BIRC6: variants seen among roughly 807,000 people sequenced by gnomAD.
BIRC6 encodes the protein dual E2 ubiquitin-conjugating enzyme/E3 ubiquitin-protein ligase BIRC6.
Under a neutral mutation model 503.3 loss-of-function variants are expected in BIRC6, and 98 were observed. The ratio of observed to expected loss-of-function variants is 0.19; its 90% CI spans 0.17 to 0.23. The LOEUF (loss-of-function observed/expected upper bound fraction) is 0.23. Ranked by LOEUF, BIRC6 falls within the 10% of genes least tolerant of loss-of-function variation. The probability of loss-of-function intolerance (pLI) is 1.00; values close to 1 mark genes in which losing one functional copy is unlikely to be tolerated. For synonymous variants in BIRC6, 2,240 were observed against 2,078.7 expected, an observed-to-expected ratio of 1.08 and a Z score of -2.11; for missense variants, 5,360 against 5,806.0, an observed-to-expected ratio of 0.92 and a Z score of 2.50.
At chr2:32,405,771 T>C (rs1179957589) in intron 8 of BIRC6, among the ~76,000 whole-genome samples, 1 of 152,212 alleles carries the variant, frequency 6.6e-6, no homozygotes, top group Non-Finnish European at 1.5e-5. Flanking sequence ...ACTATTATGT[T>C]TGGTTTTAGG....
At chr2:32,495,790 GTT>G (rs11464835) in intron 45 of BIRC6, among the ~76,000 whole-genome samples, 2,419 of 84,742 alleles carry the variant, frequency 0.029, 29 homozygotes, top group African/African-American at 0.083. Context: ...TCAGGATGAA[GTT>G]TTTTTTTTTT....
intron 35 of BIRC6, 111 bp from the exon 36 acceptor site, chr2:32,478,524 A>C (rs960819885): frequency 1.3e-5 from 11 of 877,736 alleles, no homozygotes; most frequent in Middle Eastern, 2.3e-4. Context: ...AGACTCATAC[A>C]TCATTGTTGA....
At chr2:32,472,945 CTT>C (rs2049271760) in intron 32 of BIRC6, 165 bp from the exon 33 acceptor site, 1 of 572,146 alleles carries the variant, frequency 1.7e-6, no homozygotes, top group Non-Finnish European at 3.0e-6. Context: ...GTTATCCAGT[CTT>C]TATAGAATCA....
rs552822215 is a variant in BIRC6 at position 32,521,594 on chromosome 2, G to T, written c.11623+2648G>T. ...AGCAATTCTCCTGCCTCAGTCTGCAGAGTAGCTGGGATTATAGGCACGCGC... is the reference window on the plus strand; with the variant it reads ...AGCAATTCTCCTGCCTCAGTCTGCATAGTAGCTGGGATTATAGGCACGCGC... On this transcript the variant is annotated intron_variant, in intron 57 of 73. Coordinates refer to ENST00000421745, the MANE Select transcript of BIRC6 (RefSeq NM_016252.4). Among the ~76,000 whole-genome samples the T allele has an allele frequency of 4.4e-4, 67 of 151,450 alleles. 2 individuals carry two copies. In the South Asian group the frequency reaches 0.013, roughly 30 times the overall value.
At chr2:32,477,896 A>G (rs1302503018) in intron 35 of BIRC6, among the ~76,000 whole-genome samples, 3 of 152,136 alleles carry the variant, frequency 2.0e-5, no homozygotes, top group African/African-American at 4.8e-5. Flanking sequence ...ATTCTTTTCA[A>G]ATTTTTCCTT....
intron 10 of BIRC6, among the ~76,000 whole-genome samples, chr2:32,419,041 A>T (rs1271979274): frequency 6.6e-6 from 1 of 152,240 alleles, no homozygotes; most frequent in African/African-American, 2.4e-5. Context: ...ATCTCATGTG[A>T]TAGGGAATTT....
At chr2:32,439,128 A>G (rs1161441482) in intron 15 of BIRC6, among the ~76,000 whole-genome samples, 1 of 152,080 alleles carries the variant, frequency 6.6e-6, no homozygotes, top group Non-Finnish European at 1.5e-5. Context: ...AGAAGACTGG[A>G]TGGATATACG....
Position 32,499,586 on chromosome 2 carries a change from A to C in BIRC6, c.8508A>C (p.Gln2836His). 1 of 1,613,352 alleles carries C rather than the reference A, an allele frequency of 6.2e-7. No homozygotes were observed. The highest frequency in any genetic ancestry group is 8.5e-7 in the Non-Finnish European group (1 of 1,179,620). Residue 2836 changes from glutamine (Q) to histidine (H), a missense_variant, in exon 46 of 74, where the codon CAA becomes CAC. Coordinates refer to ENST00000421745, the MANE Select transcript of BIRC6 (RefSeq NM_016252.4). The part of the protein sequence containing the change: ...FQTGQGPLDA[Q>H]VKLLEFTLEQ... Reference sequence around the variant, plus strand: ...CAGGCCAAGGACCTCTCGATGCCCAAGTGAAGCTCTTAGAATTCACTCTGG... The same window carrying C: ...CAGGCCAAGGACCTCTCGATGCCCACGTGAAGCTCTTAGAATTCACTCTGG...
At chr2:32,449,712 A>G (rs1226222859) in intron 22 of BIRC6, among the ~76,000 whole-genome samples, 1 of 152,246 alleles carries the variant, frequency 6.6e-6, no homozygotes, top group East Asian at 1.9e-4. Flanking sequence ...ATACAAAAAT[A>G]TAAATGAAAT....
In BIRC6 at chr2:32,468,681, T is replaced by C. The variant is rs1399769525; in HGVS notation, c.6025T>C (p.Ser2009Pro). The C allele has an allele frequency of 1.2e-6, 2 of 1,613,870 alleles. No individual in the cohort carries two copies. The highest frequency in any genetic ancestry group is 2.7e-5 in the African/African-American group (2 of 74,942). ...GASRKMLSETSNPEDLIQTSS... is the reference protein window; with the variant it reads ...GASRKMLSETPNPEDLIQTSS... ...AAGCCGGAAGATGTTGAGTGAAACA[T>C]CAAATCCAGAAGATTTAATTCAGAC... The change falls in exon 29 of 74, where the codon TCA becomes CCA. Residue 2009 changes from serine (S) to proline (P), a missense_variant. Around this residue, in one of 16 missense-constraint regions of BIRC6, gnomAD observed 2,299 missense variants for 2,267.2 expected, o/e 1.01. Coordinates refer to ENST00000421745, the MANE Select transcript of BIRC6 (RefSeq NM_016252.4).
chr2:32,562,886 A>T (rs2150738222), intron 65 of BIRC6, among the ~76,000 whole-genome samples: 1 of 152,296 alleles, frequency 6.6e-6, no homozygotes, highest in Admixed American at 6.5e-5. Context: ...TTATGAATAG[A>T]TCTGCTATAA....
rs569363591 is a variant in BIRC6 at position 32,583,304 on chromosome 2, G to A, written c.13355+7938G>A. Among the ~76,000 whole-genome samples, 60 of 152,282 alleles carry A rather than the reference G, an allele frequency of 3.9e-4. 1 individual carries two copies. In the South Asian group the frequency reaches 0.012, roughly 30 times the overall value. On this transcript the variant is annotated intron_variant, in intron 66 of 73. Transcript: ENST00000421745. ...GTTTTAAGAGCTTCATAAAGATGAT[G>A]TTTTAATATTTTTTGGTTCAGGGCT...
chr2:32,365,727 A>G (rs1323833912), intron 1 of BIRC6, among the ~76,000 whole-genome samples: 2 of 152,136 alleles, frequency 1.3e-5, no homozygotes, highest in African/African-American at 2.4e-5. Context: ...TGATTCCCAT[A>G]TTTTAAAGTA....
At chr2:32,534,650 G>C (rs564271481) in intron 61 of BIRC6, among the ~76,000 whole-genome samples, 1 of 136,802 alleles carries the variant, frequency 7.3e-6, no homozygotes, top group Admixed American at 8.2e-5. Flanking sequence ...AGAATTGCTT[G>C]AACCCAGGAG....
intron 14 of BIRC6, 73 bp downstream of exon 14, chr2:32,435,658 G>C: frequency 2.1e-6 from 3 of 1,431,224 alleles, no homozygotes; most frequent in Non-Finnish European, 2.8e-6. Context: ...TGTCGGGCAA[G>C]ATTTCCTTAT....
Position 32,469,532 on chromosome 2 carries a change from G to A in BIRC6, c.6265G>A (p.Glu2089Lys), listed in dbSNP as rs900830718. Residue 2089 changes from glutamate to lysine, a missense_variant, in exon 30 of 74, where the codon GAA (glutamate) becomes AAA (lysine). Around this residue, in one of 16 missense-constraint regions of BIRC6, gnomAD observed 2,299 missense variants for 2,267.2 expected, o/e 1.01. Transcript: ENST00000421745. ...TCTTCTTGTTCAACTGTGTGGTGGT[G>A]AAAGGTGGTGGGGTCAATTTCTTTC... ...GLLLVQLCGG[E>K]RWWGQFLSNV... is the part of the protein sequence containing the mutation. 6.2e-7 allele frequency: 1 copy of A among 1,613,916 alleles called. No homozygotes were observed. Among genetic ancestry groups the A allele is most frequent in the Admixed American group, 1.7e-5 (1 of 60,022 alleles).
chr2:32,488,777 G>A lies in BIRC6; in HGVS notation c.8095+63G>A, dbSNP rs190668109. On this transcript the variant is annotated intron_variant, in intron 42 of 73. Transcript: ENST00000421745. ...AGCAAGCTTAAAACGTAATTATTAGGTTAAAATATACCTAATCTTTGTCAT... is the reference window on the plus strand; with the variant it reads ...AGCAAGCTTAAAACGTAATTATTAGATTAAAATATACCTAATCTTTGTCAT... 7,534 of 1,130,246 alleles carry A rather than the reference G, an allele frequency of 6.7e-3. 28 individuals carry two copies. Among genetic ancestry groups the A allele is most frequent in the Non-Finnish European group, 8.4e-3 (6,923 of 828,072 alleles). The allele number at this position is 1,130,246 out of a possible 1,614,324, so 70.0% of individuals were successfully genotyped here.
chr2:32,472,526 G>C (rs563434206), intron 32 of BIRC6, among the ~76,000 whole-genome samples: 1 of 152,316 alleles, frequency 6.6e-6, no homozygotes, highest in African/African-American at 2.4e-5. Context: ...TTGATAAGTA[G>C]GTAGGAAAGA....
chr2:32,578,994 T>A (rs1208986768), intron 66 of BIRC6, among the ~76,000 whole-genome samples: 1 of 27,376 alleles, frequency 3.7e-5, no homozygotes, highest in Admixed American at 3.6e-4. Flanking sequence ...ATATATACAC[T>A]TAATATATAT....
Sources: allele counts gnomAD v4.1 joint callset (sites outside exome capture counted in the v4.1 genomes callset), GRCh38; gene constraint gnomAD v4.1.1; regional missense constraint gnomAD v4.1.1; transcripts MANE v1.5; gene names NCBI Gene and HGNC (gene_info 2026-07-23, HGNC 2026-07-21).